FAF1: variants seen among roughly 807,000 people sequenced by gnomAD.
The protein encoded by FAF1 is Fas associated factor 1.
A neutral mutation model predicts 92.5 loss-of-function variants in FAF1; 25 were observed. The observed-to-expected ratio is 0.27, with a 90% CI of 0.20 to 0.38. FAF1 has a LOEUF of 0.38. FAF1 is among the 10% of genes least tolerant of loss of function. The pLI is 1.00. For synonymous variants in FAF1, 234 were observed against 273.2 expected, an observed-to-expected ratio of 0.86 and a Z score of 1.42; for missense variants, 636 against 793.3, an observed-to-expected ratio of 0.80 and a Z score of 2.38.
At chr1:50,727,532 G>C (rs76566467) in intron 6 of FAF1, among the ~76,000 whole-genome samples, 4,675 of 152,268 alleles carry the variant, frequency 0.031, 251 homozygotes, top group African/African-American at 0.11. Flanking sequence ...GGATACAACA[G>C]TGAACAACAA....
chr1:50,959,572 T>C (rs1645298359), intron 1 of FAF1, 195 bp downstream of exon 1: 1 of 400,402 alleles, frequency 2.5e-6, no homozygotes, highest in Non-Finnish European at 4.7e-6. Context: ...ACTTAACACA[T>C]TCTACACACT....
At chr1:50,781,714 A>T (rs571744570) in intron 4 of FAF1, among the ~76,000 whole-genome samples, 4 of 152,370 alleles carry the variant, frequency 2.6e-5, no homozygotes, top group Admixed American at 2.0e-4. Context: ...CACTCTTCTC[A>T]AGTGCAGAGA....
In FAF1 at chr1:50,583,789, T is replaced by C; in HGVS notation, c.968-74A>G. Reference sequence around the variant, plus strand: ...AGACACAAAAACAAACCACATAACATCTAATCCCACATATAAGAAATATAT... The same window carrying C: ...AGACACAAAAACAAACCACATAACACCTAATCCCACATATAAGAAATATAT... On this transcript the variant is annotated intron_variant, in intron 10 of 18. Transcript: ENST00000396153. This position sits in a 1 kb window ranked among gnomAD's most constrained non-coding sequence, Gnocchi z 4.2. 1 of 805,026 alleles carries C rather than the reference T, an allele frequency of 1.2e-6. No individual in the cohort carries two copies. Among genetic ancestry groups the C allele is most frequent in the Admixed American group, 2.5e-5 (1 of 39,440 alleles). 49.9% of individuals were successfully genotyped at this position (805,026 alleles called of 1,614,324 possible). A position where few individuals can be genotyped will look rare whatever the true frequency, so the allele number is the denominator to read the frequency against.
rs1657650327 is a variant in FAF1 at position 50,705,778 on chromosome 1, T to C, written c.657+8A>G. The C allele has an allele frequency of 2.7e-6, 4 of 1,499,500 alleles. No individual in the cohort carries two copies. The highest frequency in any genetic ancestry group is 2.8e-6 in the Non-Finnish European group (3 of 1,076,714). The allele number at this position is 1,499,500 out of a possible 1,614,324, so 92.9% of individuals were successfully genotyped here. ...ACCTTTATTTCTTAGCTGTGAGACA[T>C]AACTCACCTCTTGAATAGTACTGCT... On this transcript the variant is annotated splice_region_variant and intron_variant, in intron 7 of 18. Transcript: ENST00000396153.
intron 4 of FAF1, among the ~76,000 whole-genome samples, chr1:50,766,791 C>CAAAAAAAAAAAAA (rs765570305): frequency 1.6e-5 from 1 of 61,926 alleles, no homozygotes; most frequent in Non-Finnish European, 3.0e-5. Flanking sequence ...AGCAAGCAAG[C>CAAAAAAAAAAAAA]AAAAAAAAAA....
intron 2 of FAF1, among the ~76,000 whole-genome samples, chr1:50,832,078 T>C (rs1231239686): frequency 1.3e-5 from 2 of 152,056 alleles, no homozygotes; most frequent in Non-Finnish European, 2.9e-5. Flanking sequence ...GAAAATAAGT[T>C]CAGGGTTCCC....
intron 4 of FAF1, among the ~76,000 whole-genome samples, chr1:50,773,981 T>C (rs1310762819): frequency 6.6e-6 from 1 of 152,172 alleles, no homozygotes; most frequent in Admixed American, 6.5e-5. Context: ...TGAAGCTGAA[T>C]TAAAGAATAT....
intron 1 of FAF1, among the ~76,000 whole-genome samples, chr1:50,870,944 A>G (rs1373853085): frequency 6.6e-6 from 1 of 152,232 alleles, no homozygotes; most frequent in Non-Finnish European, 1.5e-5. Flanking sequence ...TTTTTGCACC[A>G]AATAGCCACA....
chr1:50,459,839 T>G (rs1411920009), intron 18 of FAF1, among the ~76,000 whole-genome samples: 2 of 152,360 alleles, frequency 1.3e-5, no homozygotes, highest in East Asian at 1.9e-4. Flanking sequence ...GCTCTGCAAC[T>G]TAGCTAGGTC....
intron 15 of FAF1, among the ~76,000 whole-genome samples, chr1:50,512,634 T>C (rs572798785): frequency 3.3e-5 from 5 of 152,364 alleles, no homozygotes; most frequent in African/African-American, 4.8e-5. Context: ...TTGGTTACTG[T>C]AGCCTTGTAG....
At chr1:50,810,575 T>C (rs770271899) in intron 2 of FAF1, among the ~76,000 whole-genome samples, 2 of 152,162 alleles carry the variant, frequency 1.3e-5, no homozygotes, top group Admixed American at 1.3e-4. Flanking sequence ...GGAAGTCCTA[T>C]CCAGAGCAAT....
intron 1 of FAF1, among the ~76,000 whole-genome samples, chr1:50,928,879 A>G (rs936718654): frequency 1.2e-4 from 18 of 147,710 alleles, no homozygotes; most frequent in Admixed American, 4.7e-4. Context: ...AGCTCAGGGG[A>G]TCGAGACCAG....
intron 7 of FAF1, among the ~76,000 whole-genome samples, chr1:50,678,495 C>T (rs1656253944): frequency 1.3e-5 from 2 of 152,144 alleles, no homozygotes; most frequent in Non-Finnish European, 2.9e-5. Context: ...TTAAAAAATA[C>T]ATTTTTTGGT....
At chr1:50,694,792 C>CAAAAAAAAAAAA (rs371721063) in intron 7 of FAF1, among the ~76,000 whole-genome samples, 2 of 55,772 alleles carry the variant, frequency 3.6e-5, no homozygotes, top group Non-Finnish European at 8.0e-5. Context: ...CTAAAAAATA[C>CAAAAAAAAAAAA]AAAAAAAAAA....
chr1:50,713,055 G>A (rs973667634), intron 6 of FAF1, among the ~76,000 whole-genome samples: 1 of 150,770 alleles, frequency 6.6e-6, no homozygotes. Context: ...CCAGCTACAG[G>A]AGGCTGAGGT....
chr1:50,702,358 ATAAGG>A (rs1370960460), intron 7 of FAF1, among the ~76,000 whole-genome samples: 2 of 152,100 alleles, frequency 1.3e-5, no homozygotes, highest in African/African-American at 4.8e-5. Context: ...ATTCATTAAA[ATAAGG>A]TAAGCCTGTT....
At chr1:50,876,594 G>A (rs1441484507) in intron 1 of FAF1, among the ~76,000 whole-genome samples, 4 of 152,014 alleles carry the variant, frequency 2.6e-5, no homozygotes, top group Admixed American at 2.6e-4. Context: ...TTTTTGTTTT[G>A]TTTTGTTTTG....
chr1:50,916,359 C>T (rs1434677397), intron 1 of FAF1, among the ~76,000 whole-genome samples: 2 of 152,194 alleles, frequency 1.3e-5, no homozygotes, highest in East Asian at 3.8e-4. Context: ...GAATCCAAGG[C>T]TACCTGACCC....
At chr1:50,681,601 G>A (rs1025163254) in intron 7 of FAF1, among the ~76,000 whole-genome samples, 9 of 151,716 alleles carry the variant, frequency 5.9e-5, no homozygotes, top group Admixed American at 2.6e-4. Context: ...TCTGCCCCCC[G>A]AGTTCAAATG....
Sources: allele counts gnomAD v4.1 joint callset (sites outside exome capture counted in the v4.1 genomes callset), GRCh38; gene constraint gnomAD v4.1.1; non-coding constraint Gnocchi (gnomAD v3.1); transcripts MANE v1.5; gene names NCBI Gene and HGNC (gene_info 2026-07-23, HGNC 2026-07-21).